The following GLI3 variants were observed in gnomAD, a reference collection of about 807,000 sequenced individuals.
GLI3 encodes transcription activator GLI3.
GLI3 carries 20 observed loss-of-function variants against 100.8 expected under a neutral mutation model. The ratio of observed to expected loss-of-function variants is 0.20; its 90% CI spans 0.14 to 0.29. GLI3 has a LOEUF of 0.29. Ranked by LOEUF, GLI3 falls within the 10% of genes least tolerant of loss-of-function variation. GLI3 has a pLI of 1.00. For missense variants in GLI3, 2,040 were observed against 2,128.5 expected, an observed-to-expected ratio of 0.96 and a Z score of 0.82; for synonymous variants, 938 against 860.5, an observed-to-expected ratio of 1.09 and a Z score of -1.58.
At chr7:41,978,887 T>A (rs1438295002) in intron 10 of GLI3, 139 bp from the exon 11 acceptor site, 1 of 797,092 alleles carries the variant, frequency 1.3e-6, no homozygotes, top group Non-Finnish European at 2.0e-6. Flanking sequence ...TTACAGATTA[T>A]AAAAATTCCA....
chr7:41,968,725 A>AAAGAAAG (rs1562661819), intron 13 of GLI3, among the ~76,000 whole-genome samples: 26 of 103,132 alleles, frequency 2.5e-4, no homozygotes, highest in African/African-American at 1.1e-3. Context: ...AGAAAGAAAG[A>AAAGAAAG]AAGAAAGAAA....
chr7:42,132,153 T>A (rs536027908), intron 3 of GLI3, among the ~76,000 whole-genome samples: 2 of 152,080 alleles, frequency 1.3e-5, no homozygotes, highest in South Asian at 4.1e-4. Context: ...CAGGCTGGAG[T>A]GCAGTGGTTC....
intron 6 of GLI3, among the ~76,000 whole-genome samples, chr7:42,040,816 C>T (rs1174393975): frequency 6.6e-6 from 1 of 152,204 alleles, no homozygotes; most frequent in Non-Finnish European, 1.5e-5. Context: ...TGCTTCTCAA[C>T]TGAGAGCAAT....
chr7:42,182,662 A>ATATATATATATATATACATGTGTG lies in GLI3; in HGVS notation c.125-34195_125-34194insCACACATGTATATATATATATATA, dbSNP rs1787627482. Among the ~76,000 whole-genome samples the ATATATATATATATATACATGTGTG allele has an allele frequency of 6.3e-4, 48 of 76,692 alleles. 1 individual carries two copies. Among genetic ancestry groups the ATATATATATATATATACATGTGTG allele is most frequent in the African/African-American group, 3.1e-3 (46 of 14,952 alleles). The allele number at this position is 76,692 out of a possible 152,430, so 50.3% of individuals were successfully genotyped here. On this transcript the variant is annotated intron_variant, in intron 2 of 14. Coordinates refer to ENST00000395925, the MANE Select transcript of GLI3 (RefSeq NM_000168.6). ...TGTGTGTGTATATATATATATATAT[A>ATATATATATATATATACATGTGTG]TATATATATATATATATATACACAT...
intron 7 of GLI3, among the ~76,000 whole-genome samples, chr7:42,037,514 C>A (rs1234604087): frequency 3.3e-5 from 5 of 152,166 alleles, no homozygotes; most frequent in Admixed American, 3.3e-4. Context: ...ATATGGGAAG[C>A]TGATCTCATC....
At chr7:42,066,302 T>G (rs1784673436) in intron 4 of GLI3, among the ~76,000 whole-genome samples, 1 of 151,910 alleles carries the variant, frequency 6.6e-6, no homozygotes, top group African/African-American at 2.4e-5. Flanking sequence ...TCCAATACAC[T>G]CGGGGGAAGG....
At chr7:42,130,677 A>C (rs1215994332) in intron 3 of GLI3, among the ~76,000 whole-genome samples, 1 of 152,202 alleles carries the variant, frequency 6.6e-6, no homozygotes, top group African/African-American at 2.4e-5. Context: ...GAATTTTGGG[A>C]AGAAAGAAAA....
chr7:42,009,342 ACG>A (rs1788544057), intron 10 of GLI3, among the ~76,000 whole-genome samples: 1 of 152,086 alleles, frequency 6.6e-6, no homozygotes, highest in African/African-American at 2.4e-5. Flanking sequence ...ACAGGACAAC[ACG>A]TTTATGATAA....
chr7:42,179,772 A>G (rs995766195), intron 2 of GLI3, among the ~76,000 whole-genome samples: 2 of 152,118 alleles, frequency 1.3e-5, no homozygotes, highest in African/African-American at 4.8e-5. Context: ...TATGGTTCCA[A>G]TGTTCCACCG....
At chr7:42,059,146 G>A (rs1784518734) in intron 4 of GLI3, among the ~76,000 whole-genome samples, 1 of 152,142 alleles carries the variant, frequency 6.6e-6, no homozygotes, top group Non-Finnish European at 1.5e-5. Flanking sequence ...GAGCGTACCT[G>A]AACCAAATGG....
chr7:41,966,018 G>T lies in GLI3; in HGVS notation c.3055C>A (p.Pro1019Thr), dbSNP rs1562659065. 1.3e-6 allele frequency: 2 copies of T among 1,596,914 alleles called. No homozygotes were observed. Among genetic ancestry groups the T allele is most frequent in the East Asian group, 2.2e-5 (1 of 44,694 alleles). The change falls in exon 15 of 15, where the codon CCT (proline) becomes ACT (threonine). Residue 1019 changes from proline (P) to threonine (T), a missense_variant. By Grantham distance (38) the Pro-to-Thr change is conservative. Around this residue, in one of 5 missense-constraint regions of GLI3, gnomAD observed 1,041 missense variants for 924.0 expected, o/e 1.13. Transcript: ENST00000395925. This position sits in a 1 kb window ranked among gnomAD's most constrained non-coding sequence, Gnocchi z 5.8. ...AGGCTGCTGAAGCGCGGCACACGAG[G>T]CAGGGCCAGGCCCTCGGAGCCTGTC... is the stretch of plus-strand genomic sequence containing the variant. ...VRTGSEGLALPRVPRFSSLSS... is the reference protein window; with the variant it reads ...VRTGSEGLALTRVPRFSSLSS...
upstream of GLI3, among the ~76,000 whole-genome samples, chr7:42,241,951 G>A (rs554535377): frequency 3.9e-5 from 6 of 152,198 alleles, no homozygotes; most frequent in South Asian, 6.2e-4. Context: ...TCTGTATCCC[G>A]CTTTTTCTAA....
intron 10 of GLI3, 24 bp downstream of exon 10, chr7:42,023,444 G>A (rs766102286): frequency 6.8e-6 from 11 of 1,613,296 alleles, no homozygotes; most frequent in South Asian, 2.2e-5. Flanking sequence ...TGTAAAGCTC[G>A]GTTCCTGAAT....
At chr7:42,123,130 T>C (rs576617770) in intron 3 of GLI3, among the ~76,000 whole-genome samples, 1 of 152,326 alleles carries the variant, frequency 6.6e-6, no homozygotes, top group East Asian at 1.9e-4. Flanking sequence ...GTGTTACTCA[T>C]CCCTTAAATT....
At position 41,965,900 on chromosome 7, in the gene GLI3, C is replaced by T. The variant is rs760174184; in HGVS notation, c.3173G>A (p.Arg1058Gln). 3.7e-6 allele frequency: 6 copies of T among 1,613,520 alleles called. No individual in the cohort carries two copies. The East Asian group carries it at 1.3e-4, about 36-fold the overall frequency. ...NYTRPEGGQS[R>Q]NFHSSPCPPS... ...AGGACAGGGGGACGAGTGGAAGTTT[C>T]GGGACTGGCCGCCCTCGGGCCGCGT... The change falls in exon 15 of 15, where the codon CGA becomes CAA. Residue 1058 changes from arginine (R) to glutamine (Q), a missense_variant. Physicochemically the swap from Arg to Gln is conservative, Grantham distance 43. Transcript: ENST00000395925.
At chr7:42,033,593 G>T (rs191275094) in intron 7 of GLI3, among the ~76,000 whole-genome samples, 1 of 152,186 alleles carries the variant, frequency 6.6e-6, no homozygotes, top group African/African-American at 2.4e-5. Flanking sequence ...AAAGAGAGGG[G>T]AGAGAGACAC....
intron 6 of GLI3, among the ~76,000 whole-genome samples, chr7:42,044,849 TC>T (rs1562700967): frequency 6.6e-6 from 1 of 152,118 alleles, no homozygotes; most frequent in East Asian, 1.9e-4. Context: ...TCAAATCCAT[TC>T]CCCCTTATTT....
intron 3 of GLI3, among the ~76,000 whole-genome samples, chr7:42,132,317 G>A (rs547292112): frequency 2.0e-5 from 3 of 151,952 alleles, no homozygotes; most frequent in South Asian, 2.1e-4. Flanking sequence ...AGCCAGGATG[G>A]TCTCGATCTC....
intron 10 of GLI3, among the ~76,000 whole-genome samples, chr7:42,016,987 C>T (rs1788783196): frequency 6.6e-6 from 1 of 152,216 alleles, no homozygotes; most frequent in East Asian, 1.9e-4. Context: ...GTGTCCACCA[C>T]AAAGCTGGGG....
Sources: allele counts gnomAD v4.1 joint callset (sites outside exome capture counted in the v4.1 genomes callset), GRCh38; gene constraint gnomAD v4.1.1; regional missense constraint gnomAD v4.1.1; non-coding constraint Gnocchi (gnomAD v3.1); transcripts MANE v1.5; gene names NCBI Gene and HGNC (gene_info 2026-07-23, HGNC 2026-07-21).